FKBP6: variants seen among roughly 807,000 people sequenced by gnomAD.
FKBP6 encodes FKBP prolyl isomerase family member 6 (inactive).
Under a neutral mutation model 41.7 loss-of-function variants are expected in FKBP6, and 29 were observed. That is an observed-to-expected ratio of 0.70 (90% CI 0.52 to 0.95). The LOEUF (loss-of-function observed/expected upper bound fraction) is 0.95. Ranked by LOEUF, FKBP6 falls within the 40% of genes least tolerant of loss-of-function variation. The pLI is 0.00. For missense variants in FKBP6, 338 were observed against 408.7 expected (o/e 0.83, Z 1.49); for synonymous variants, 130 against 165.1 (o/e 0.79, Z 1.63).
chr7:73,337,834 C>T (rs1554548802), intron 5 of FKBP6, among the ~76,000 whole-genome samples: 2 of 152,106 alleles, frequency 1.3e-5, no homozygotes, highest in African/African-American at 4.8e-5. Context: ...GAACATTTTC[C>T]TCACCCCGAA....
chr7:73,356,090 AAAGTG>A (rs1805625217), intron 8 of FKBP6, among the ~76,000 whole-genome samples: 1 of 151,552 alleles, frequency 6.6e-6, no homozygotes, highest in Non-Finnish European at 1.5e-5. Context: ...AAAAAAAAAA[AAAGTG>A]AGTGTATATG....
intron 5 of FKBP6, among the ~76,000 whole-genome samples, chr7:73,335,955 G>A (rs187019344): frequency 2.0e-5 from 3 of 152,238 alleles, no homozygotes; most frequent in South Asian, 2.1e-4. Context: ...TTGGAGCAGC[G>A]GACTGACATT....
intron 6 of FKBP6, 28 bp downstream of exon 6, chr7:73,340,860 T>C (rs374687820): frequency 4.5e-6 from 7 of 1,541,026 alleles, no homozygotes; most frequent in Non-Finnish European, 6.2e-6. Flanking sequence ...GACTTGGGAA[T>C]AAACACCCAG....
At chr7:73,357,706 G>A (rs1372529742) in intron 8 of FKBP6, among the ~76,000 whole-genome samples, 2 of 152,004 alleles carry the variant, frequency 1.3e-5, no homozygotes, top group East Asian at 1.9e-4. Flanking sequence ...GGAAAGAGAA[G>A]GGAAAGGGTA....
chr7:73,343,542 G>T (rs1805255091), intron 8 of FKBP6, among the ~76,000 whole-genome samples: 1 of 152,104 alleles, frequency 6.6e-6, no homozygotes, highest in Non-Finnish European at 1.5e-5. Flanking sequence ...ATCGCAGGGT[G>T]GGGATGGGCT....
intron 8 of FKBP6, among the ~76,000 whole-genome samples, 184 bp downstream of exon 8, chr7:73,343,083 G>A (rs1805239653): frequency 6.6e-6 from 1 of 152,232 alleles, no homozygotes; most frequent in African/African-American, 2.4e-5. Flanking sequence ...CCTTTCCCGT[G>A]AGAAGAAAGT....
In FKBP6 at chr7:73,331,689, C is replaced by G. The variant is rs1244041777; in HGVS notation, c.501C>G (p.Val167=). The G allele has an allele frequency of 6.2e-7, 1 of 1,613,594 alleles. No homozygotes were observed. The highest frequency in any genetic ancestry group is 1.7e-5 in the Admixed American group (1 of 59,998). The change falls in exon 5 of 9, where the codon GTC becomes GTG. Residue 167 remains valine, a synonymous_variant. Coordinates refer to ENST00000252037, the MANE Select transcript of FKBP6 (RefSeq NM_003602.5). The stretch of plus-strand genomic sequence containing the variant: ...AAGACCAATTTCCACTTCAGAAGGT[C>G]CTGAAAGTGGCAGCTACGGAACGGG... ...EQQDQFPLQK[V]LKVAATEREF...
chr7:73,347,675 C>T (rs1554550466), intron 8 of FKBP6, among the ~76,000 whole-genome samples: 1 of 152,174 alleles, frequency 6.6e-6, no homozygotes, highest in Non-Finnish European at 1.5e-5. Flanking sequence ...GACAGAGTCT[C>T]GCTCTGTCAC....
intron 4 of FKBP6, among the ~76,000 whole-genome samples, chr7:73,331,429 G>A (rs1804837769): frequency 1.3e-5 from 2 of 152,340 alleles, no homozygotes; most frequent in South Asian, 4.1e-4. Context: ...ATTCAGAGGT[G>A]ACTCCAACAC....
intron 5 of FKBP6, among the ~76,000 whole-genome samples, chr7:73,332,596 G>A (rs932461049): frequency 6.6e-6 from 1 of 152,260 alleles, no homozygotes; most frequent in African/African-American, 2.4e-5. Flanking sequence ...AAGGGCTGGA[G>A]AGAGGACTCA....
At chr7:73,356,408 T>C (rs1395145241) in intron 8 of FKBP6, among the ~76,000 whole-genome samples, 1 of 152,236 alleles carries the variant, frequency 6.6e-6, no homozygotes, top group Non-Finnish European at 1.5e-5. Context: ...TAGGTCATGC[T>C]AAACTGACCT....
chr7:73,348,642 C>G (rs1805401640), intron 8 of FKBP6, among the ~76,000 whole-genome samples: 1 of 152,194 alleles, frequency 6.6e-6, no homozygotes, highest in South Asian at 2.1e-4. Context: ...ACAAGACTGA[C>G]CCCATTTCAG....
chr7:73,338,330 G>A (rs1805070513), intron 5 of FKBP6, among the ~76,000 whole-genome samples: 1 of 152,142 alleles, frequency 6.6e-6, no homozygotes, highest in South Asian at 2.1e-4. Context: ...CCGGACCCTC[G>A]TTCTTTTGTA....
At chr7:73,332,809 A>G (rs1012040287) in intron 5 of FKBP6, among the ~76,000 whole-genome samples, 3 of 152,162 alleles carry the variant, frequency 2.0e-5, no homozygotes, top group Non-Finnish European at 4.4e-5. Context: ...TCCTCCACCA[A>G]CCGATTTCTC....
chr7:73,331,925 G>A (rs1399982559), intron 5 of FKBP6, 149 bp downstream of exon 5: 9 of 742,614 alleles, frequency 1.2e-5, no homozygotes, highest in Non-Finnish European at 2.0e-5. Flanking sequence ...GTGCAGTGGC[G>A]CAATCTCAGC....
chr7:73,332,578 G>T (rs112012182), intron 5 of FKBP6, among the ~76,000 whole-genome samples: 1 of 151,968 alleles, frequency 6.6e-6, no homozygotes, highest in Non-Finnish European at 1.5e-5. Flanking sequence ...GGGGACTCTC[G>T]AGGGGATAAG....
intron 7 of FKBP6, among the ~76,000 whole-genome samples, chr7:73,341,779 T>C (rs1279087083): frequency 6.6e-6 from 1 of 151,518 alleles, no homozygotes; most frequent in Non-Finnish European, 1.5e-5. Context: ...TTCTCCTGTC[T>C]CAGCCTCCAA....
Position 73,328,436 on chromosome 7 carries a change from G to A in FKBP6, c.8G>A (p.Gly3Glu). The A allele has an allele frequency of 6.4e-7, 1 of 1,555,264 alleles. No homozygotes were observed. The highest frequency in any genetic ancestry group is 8.7e-7 in the Non-Finnish European group (1 of 1,149,998). Residue 3 changes from glycine (G) to glutamate (E), a missense_variant, in exon 1 of 9, where the codon GGA becomes GAA. By Grantham distance (98) the Gly-to-Glu change is moderately conservative. Transcript: ENST00000252037. MG[G>E]SALNQGVLEG... The stretch of plus-strand genomic sequence containing the variant: ...AGGGAGGGCAGCTAGGACATGGGGG[G>A]AAGCGCGTTAAACCAGGGAGTCCTG...
rs781799671 is a variant in FKBP6, at chr7:73,331,760, A to G, written c.572A>G (p.Lys191Arg). 27 of 1,614,018 alleles carry G rather than the reference A, an allele frequency of 1.7e-5. 1 individual carries two copies. In the African/African-American group the frequency reaches 3.3e-4, roughly 20 times the overall value. ...LFRQNRFYDA[K>R]VRYKRALLLL... Reference sequence around the variant, plus strand: ...CGCCAGAATCGTTTCTATGATGCCAAAGTGAGATATAAAAGGGTGAGAATG... The same window carrying G: ...CGCCAGAATCGTTTCTATGATGCCAGAGTGAGATATAAAAGGGTGAGAATG... Residue 191 changes from lysine (K) to arginine (R), a missense_variant, in exon 5 of 9, where the codon AAA becomes AGA. By Grantham distance (26) the Lys-to-Arg change is conservative. Transcript: ENST00000252037.
Sources: allele counts gnomAD v4.1 joint callset (sites outside exome capture counted in the v4.1 genomes callset), GRCh38; gene constraint gnomAD v4.1.1; transcripts MANE v1.5; gene names NCBI Gene and HGNC (gene_info 2026-07-23, HGNC 2026-07-21).